Variants in MRPS35 observed in about 807,000 individuals in gnomAD.
MRPS35 encodes the protein small ribosomal subunit protein mS35.
MRPS35 carries 29 observed loss-of-function variants against 32.7 expected under a neutral mutation model. That is an observed-to-expected ratio of 0.89 (90% CI 0.66 to 1.21). The LOEUF is 1.21. MRPS35 is among the 50% of genes most tolerant of loss of function. The probability of loss-of-function intolerance (pLI) is 0.00; values close to 1 mark genes in which losing one functional copy is unlikely to be tolerated. For synonymous variants in MRPS35, 148 were observed against 139.3 expected (o/e 1.06, Z -0.44); for missense variants, 373 against 383.8 (o/e 0.97, Z 0.23).
chr12:27,743,161 C>T (rs1273209618), intron 7 of MRPS35, among the ~76,000 whole-genome samples: 4 of 151,936 alleles, frequency 2.6e-5, no homozygotes, highest in African/African-American at 4.8e-5. Context: ...ACATCCAGCC[C>T]CCTCTCACTG....
At position 27,713,296 on chromosome 12, in the gene MRPS35, G is replaced by A. The variant is rs563706501; in HGVS notation, c.113-1484G>A. Among the ~76,000 whole-genome samples, 62 of 152,318 alleles carry A rather than the reference G, an allele frequency of 4.1e-4. 1 individual carries two copies. The highest frequency in any genetic ancestry group is 2.0e-3 in the Admixed American group (30 of 15,304). Reference sequence around the variant, plus strand: ...TTAGAGTTTTCCAGAGAGACAGAACGTAGATGTAGGATAGGATAGATGTAG... The same window carrying A: ...TTAGAGTTTTCCAGAGAGACAGAACATAGATGTAGGATAGGATAGATGTAG... On this transcript the variant is annotated intron_variant, in intron 1 of 7. Transcript: ENST00000081029.
chr12:27,715,670 A>G (rs2061847127), intron 2 of MRPS35, among the ~76,000 whole-genome samples: 1 of 152,220 alleles, frequency 6.6e-6, no homozygotes, highest in Non-Finnish European at 1.5e-5. Context: ...TATTGACTAC[A>G]CTGGTTTTGA....
At chr12:27,727,123 G>A (rs1437553348) in intron 5 of MRPS35, among the ~76,000 whole-genome samples, 5 of 151,826 alleles carry the variant, frequency 3.3e-5, no homozygotes, top group Admixed American at 3.3e-4. Flanking sequence ...ACCACGCCTG[G>A]CTAATTTTTT....
chr12:27,714,634 C>CAA (rs531429538), intron 1 of MRPS35, 146 bp from the exon 2 acceptor site: 2,161 of 355,144 alleles, frequency 6.1e-3, no homozygotes, highest in African/African-American at 0.012. Context: ...CTGAGCTTAC[C>CAA]AAAAAAAAAA....
At chr12:27,747,147 G>T (rs936131400) in intron 7 of MRPS35, among the ~76,000 whole-genome samples, 2 of 152,162 alleles carry the variant, frequency 1.3e-5, no homozygotes, top group Non-Finnish European at 2.9e-5. Flanking sequence ...TAGCCATAAT[G>T]AACATAATAT....
chr12:27,722,373 G>A (rs914536448), intron 4 of MRPS35, among the ~76,000 whole-genome samples: 20 of 152,124 alleles, frequency 1.3e-4, no homozygotes, highest in Non-Finnish European at 2.6e-4. Context: ...CTCATCTATT[G>A]CTCTACCTAT....
chr12:27,754,671 G>A (rs1302394345), intron 7 of MRPS35, among the ~76,000 whole-genome samples: 2 of 151,414 alleles, frequency 1.3e-5, no homozygotes, highest in African/African-American at 2.4e-5. Context: ...GGAGCCTGAG[G>A]TGGGAGAATC....
intron 5 of MRPS35, 108 bp downstream of exon 5, chr12:27,724,294 T>A (rs2061890507): frequency 2.0e-6 from 2 of 1,002,120 alleles, no homozygotes; most frequent in Non-Finnish European, 2.7e-6. Flanking sequence ...ATCCCAGCAC[T>A]TTGGGAGGCC....
chr12:27,755,282 G>C lies in MRPS35; in HGVS notation c.804G>C (p.Gln268His), dbSNP rs1198067822. The part of the protein sequence containing the change: ...SERNILETLL[Q>H]MKAAEKNMEI... Reference sequence around the variant, plus strand: ...GAAATATCCTGGAAACGCTTCTCCAGATGAAAGCTGCTGAGAAAAATATGG... The same window carrying C: ...GAAATATCCTGGAAACGCTTCTCCACATGAAAGCTGCTGAGAAAAATATGG... Residue 268 changes from glutamine to histidine, a missense_variant, in exon 8 of 8, where the codon CAG (glutamine) becomes CAC (histidine). By Grantham distance (24) the Gln-to-His change is conservative. Coordinates refer to ENST00000081029, the MANE Select transcript of MRPS35 (RefSeq NM_021821.4). The C allele has an allele frequency of 1.1e-5, 18 of 1,613,094 alleles. No individual in the cohort carries two copies. The highest frequency in any genetic ancestry group is 1.5e-5 in the Non-Finnish European group (18 of 1,179,830).
At chr12:27,741,621 C>T (rs1314281465) in intron 7 of MRPS35, among the ~76,000 whole-genome samples, 1 of 152,086 alleles carries the variant, frequency 6.6e-6, no homozygotes, top group Non-Finnish European at 1.5e-5. Context: ...CACAATTTGA[C>T]ATAATTGATG....
chr12:27,750,852 C>T (rs1375901913), intron 7 of MRPS35, among the ~76,000 whole-genome samples: 1 of 151,788 alleles, frequency 6.6e-6, no homozygotes, highest in Non-Finnish European at 1.5e-5. Context: ...CCTGTAATCC[C>T]AGCACTTTGG....
chr12:27,725,938 A>T (rs1305254424), intron 5 of MRPS35, among the ~76,000 whole-genome samples: 1 of 150,576 alleles, frequency 6.6e-6, no homozygotes, highest in African/African-American at 2.4e-5. Flanking sequence ...CCTGAGCAGT[A>T]GCTGGAACTG....
chr12:27,740,738 A>G (rs1359846730), intron 7 of MRPS35, among the ~76,000 whole-genome samples: 1 of 152,208 alleles, frequency 6.6e-6, no homozygotes, highest in Non-Finnish European at 1.5e-5. Context: ...CAGTTTAACT[A>G]TAGAAGTGTC....
At chr12:27,718,299 T>A (rs182283617) in intron 3 of MRPS35, among the ~76,000 whole-genome samples, 1 of 152,282 alleles carries the variant, frequency 6.6e-6, no homozygotes, top group African/African-American at 2.4e-5. Context: ...TAGTGGCGCA[T>A]GCCTGTAATC....
chr12:27,716,419 C>A lies in MRPS35; in HGVS notation c.282C>A (p.Gly94=), dbSNP rs1171541376. 4 of 1,613,932 alleles carry A rather than the reference C, an allele frequency of 2.5e-6. No individual in the cohort carries two copies. Among genetic ancestry groups the A allele is most frequent in the Non-Finnish European group, 3.4e-6 (4 of 1,180,018 alleles). Residue 94 remains glycine, a synonymous_variant, in exon 3 of 8, where the codon GGC becomes GGA. Transcript: ENST00000081029. ...PVRMGYPVKK[G]VPMAKEGNLE... is the part of the protein sequence containing the mutation. Reference sequence around the variant, plus strand: ...GAATGGGTTATCCAGTAAAAAAGGGCGTGCCCATGGCAAAGGAGGGAAATC... The same window carrying A: ...GAATGGGTTATCCAGTAAAAAAGGGAGTGCCCATGGCAAAGGAGGGAAATC...
intron 7 of MRPS35, among the ~76,000 whole-genome samples, chr12:27,754,788 T>C (rs544813647): frequency 7.9e-6 from 1 of 126,528 alleles, no homozygotes; most frequent in East Asian, 2.2e-4. Flanking sequence ...AAAAAAAAAG[T>C]GAAATCTTGA....
At position 27,716,513 on chromosome 12, in the gene MRPS35, C is replaced by T. The variant is rs889213914; in HGVS notation, c.321+55C>T. The T allele has an allele frequency of 1.9e-5, 30 of 1,575,052 alleles. 1 individual carries two copies. The African/African-American group carries it at 2.1e-4, about 11-fold the overall frequency. ...GACTTACATAGAAATAAATGCTGAT[C>T]TTCCCCCCTATTTCTGCTCTCTTAT... On this transcript the variant is annotated intron_variant, in intron 3 of 7. Coordinates refer to ENST00000081029, the MANE Select transcript of MRPS35 (RefSeq NM_021821.4).
chr12:27,731,946 A>G (rs2061923726), intron 5 of MRPS35, among the ~76,000 whole-genome samples: 1 of 152,240 alleles, frequency 6.6e-6, no homozygotes, highest in African/African-American at 2.4e-5. Flanking sequence ...ACACAACAAT[A>G]TACTAAGTTC....
At chr12:27,741,376 G>A (rs545717860) in intron 7 of MRPS35, among the ~76,000 whole-genome samples, 1 of 152,054 alleles carries the variant, frequency 6.6e-6, no homozygotes, top group African/African-American at 2.4e-5. Context: ...TTTTCCTAAG[G>A]ATTTTTGGAT....
Sources: gnomAD v4.1 joint callset for allele counts (sites outside exome capture counted in the v4.1 genomes callset) on GRCh38, gnomAD v4.1.1 for gene constraint, MANE v1.5 for transcripts, NCBI Gene and HGNC (gene_info 2026-07-23, HGNC 2026-07-21) for gene names.